The following NFYC variants were observed in gnomAD, a reference collection of about 807,000 sequenced individuals.
The protein encoded by NFYC is nuclear transcription factor Y subunit gamma.
A neutral mutation model predicts 53.1 loss-of-function variants in NFYC; 25 were observed. The ratio of observed to expected loss-of-function variants is 0.47; its 90% CI spans 0.34 to 0.66. NFYC has a LOEUF of 0.66. NFYC is among the 30% of genes least tolerant of loss of function. The pLI, the probability that NFYC is intolerant of heterozygous loss-of-function variation, is 0.01. For synonymous variants in NFYC, 145 were observed against 152.6 expected, an observed-to-expected ratio of 0.95 and a Z score of 0.37; for missense variants, 260 against 422.7, an observed-to-expected ratio of 0.62 and a Z score of 3.38.
intron 1 of NFYC, among the ~76,000 whole-genome samples, chr1:40,703,281 G>A (rs1643530724): frequency 6.6e-6 from 1 of 151,796 alleles, no homozygotes; most frequent in Non-Finnish European, 1.5e-5. Flanking sequence ...CTTGAGCCCA[G>A]GAGTTTGAAA....
intron 1 of NFYC, among the ~76,000 whole-genome samples, chr1:40,716,490 G>C (rs1644141179): frequency 6.6e-6 from 1 of 152,168 alleles, no homozygotes; most frequent in Non-Finnish European, 1.5e-5. Context: ...GAAGTAGATT[G>C]GGTCAGATGT....
chr1:40,739,854 C>G (rs994936570), intron 2 of NFYC, among the ~76,000 whole-genome samples: 2 of 152,018 alleles, frequency 1.3e-5, no homozygotes, highest in East Asian at 3.8e-4. Flanking sequence ...AAGCATTCAC[C>G]AGATGTGAAG....
At chr1:40,724,777 A>G (rs757116031) in intron 1 of NFYC, among the ~76,000 whole-genome samples, 8 of 151,992 alleles carry the variant, frequency 5.3e-5, no homozygotes, top group Admixed American at 3.3e-4. Context: ...CAAAGATTAT[A>G]TTGTACTAGA....
Position 40,763,036 on chromosome 1 carries a change from A to G in NFYC, c.710A>G (p.Gln237Arg). ...QQIITNTGEI[Q>R]QIPVQLNAGQ... ...ATCATCACTAACACAGGAGAGATCCAGCAGATCCCGGTGAGTCCTGCCCTG... is the reference window on the plus strand; with the variant it reads ...ATCATCACTAACACAGGAGAGATCCGGCAGATCCCGGTGAGTCCTGCCCTG... Residue 237 changes from glutamine (Q) to arginine (R), a missense_variant, in exon 7 of 10, where the codon CAG becomes CGG. Coordinates refer to ENST00000447388, the MANE Select transcript of NFYC (RefSeq NM_014223.5). The G allele has an allele frequency of 6.3e-7, 1 of 1,599,456 alleles. No individual in the cohort carries two copies. Among genetic ancestry groups the G allele is most frequent in the South Asian group, 1.1e-5 (1 of 89,410 alleles).
intron 1 of NFYC, among the ~76,000 whole-genome samples, chr1:40,726,781 A>C (rs1644538248): frequency 6.6e-6 from 1 of 152,222 alleles, no homozygotes; most frequent in South Asian, 2.1e-4. Flanking sequence ...CTTTCATGAA[A>C]GATTTCTCTG....
chr1:40,717,331 A>G (rs1329804872), intron 1 of NFYC, among the ~76,000 whole-genome samples: 1 of 152,172 alleles, frequency 6.6e-6, no homozygotes, highest in Non-Finnish European at 1.5e-5. Flanking sequence ...TGCATTTCCC[A>G]TGTAAGAATT....
chr1:40,743,897 C>T (rs1467331721), intron 2 of NFYC, among the ~76,000 whole-genome samples: 5 of 152,184 alleles, frequency 3.3e-5, no homozygotes, highest in Non-Finnish European at 7.4e-5. Flanking sequence ...GGTCCAAGGA[C>T]CTTACTTTGA....
chr1:40,702,341 C>CT lies in NFYC; in HGVS notation c.-9+10492dup, dbSNP rs11307589. 1.2e-3 allele frequency among the ~76,000 whole-genome samples: 143 copies of CT among 118,886 alleles called. 1 individual carries two copies. Among genetic ancestry groups the CT allele is most frequent in the East Asian group, 0.012 (50 of 4,274 alleles). The allele number at this position is 118,886 out of a possible 152,430, so 78.0% of individuals were successfully genotyped here. On this transcript the variant is annotated intron_variant, in intron 1 of 9. Transcript: ENST00000447388. ...CCTTTTTTGGGGATTATCTTCAGAA[C>CT]TTTTTTTTTTTTTTTTTTCGAGAGG...
At chr1:40,753,991 C>T (rs938302553) in intron 5 of NFYC, among the ~76,000 whole-genome samples, 17 of 152,204 alleles carry the variant, frequency 1.1e-4, no homozygotes, top group Middle Eastern at 3.4e-3. Flanking sequence ...TTGTAATAGA[C>T]CTCTGTCCTT....
intron 6 of NFYC, among the ~76,000 whole-genome samples, chr1:40,759,382 G>C (rs1422473095): frequency 1.3e-5 from 2 of 151,914 alleles, no homozygotes; most frequent in South Asian, 2.1e-4. Context: ...CAGAACATCA[G>C]AACATTAGCC....
chr1:40,704,273 G>A (rs1318180742), intron 1 of NFYC, among the ~76,000 whole-genome samples: 2 of 152,070 alleles, frequency 1.3e-5, no homozygotes, highest in African/African-American at 2.4e-5. Flanking sequence ...GGGTTTCACC[G>A]TGTTAGCCAG....
intron 2 of NFYC, among the ~76,000 whole-genome samples, chr1:40,740,855 G>A (rs1645300312): frequency 6.6e-6 from 1 of 152,008 alleles, no homozygotes; most frequent in Non-Finnish European, 1.5e-5. Flanking sequence ...TCCAGGATCA[G>A]GCAAGTGGCC....
chr1:40,758,467 A>C (rs1004442144), intron 6 of NFYC, 173 bp downstream of exon 6: 20 of 690,766 alleles, frequency 2.9e-5, no homozygotes, highest in Middle Eastern at 4.1e-4. Flanking sequence ...ATGTTACCCT[A>C]ATCTCTCTGG....
chr1:40,706,104 A>G (rs991510349), intron 1 of NFYC, among the ~76,000 whole-genome samples: 1 of 151,914 alleles, frequency 6.6e-6, no homozygotes, highest in Non-Finnish European at 1.5e-5. Context: ...ATCTACACAT[A>G]TATATGGCAC....
rs967130567 is a variant in NFYC at position 40,726,125 on chromosome 1, G to GTT, written c.-8-12703_-8-12702dup. Among the ~76,000 whole-genome samples, 555 of 126,474 alleles carry GTT rather than the reference G, an allele frequency of 4.4e-3. 3 individuals are homozygous for GTT. Among genetic ancestry groups the GTT allele is most frequent in the African/African-American group, 0.014 (521 of 37,344 alleles). The allele number at this position is 126,474 out of a possible 152,430, so 83.0% of individuals were successfully genotyped here. A position where few individuals can be genotyped will look rare whatever the true frequency, so the allele number is the denominator to read the frequency against. On this transcript the variant is annotated intron_variant, in intron 1 of 9. Coordinates refer to ENST00000447388, the MANE Select transcript of NFYC (RefSeq NM_014223.5). ...TATGTGTTTGTGTGTGTGTGTGTGT[G>GTT]TTTTTTTTTGAGATGGAGTTTCGCT...
chr1:40,714,957 G>A (rs2148467502), intron 1 of NFYC, among the ~76,000 whole-genome samples: 1 of 152,160 alleles, frequency 6.6e-6, no homozygotes, highest in African/African-American at 2.4e-5. Context: ...GCGGGCGCCT[G>A]TAGTCCCAGC....
chr1:40,693,882 T>C (rs924883558), intron 1 of NFYC, among the ~76,000 whole-genome samples: 5 of 152,260 alleles, frequency 3.3e-5, no homozygotes, highest in Non-Finnish European at 5.9e-5. Context: ...CTTGTGCTGC[T>C]TAAGGATTCA....
At chr1:40,720,236 C>T (rs1644280442) in intron 1 of NFYC, among the ~76,000 whole-genome samples, 1 of 152,176 alleles carries the variant, frequency 6.6e-6, no homozygotes, top group Non-Finnish European at 1.5e-5. Flanking sequence ...AGAATCTAGA[C>T]AGCAGAATCA....
intron 1 of NFYC, among the ~76,000 whole-genome samples, chr1:40,720,525 A>G (rs1233546503): frequency 1.3e-5 from 2 of 151,944 alleles, no homozygotes; most frequent in Non-Finnish European, 2.9e-5. Flanking sequence ...GAATTTTCCC[A>G]TTTCAAAGAA....
Sources: allele counts gnomAD v4.1 joint callset (sites outside exome capture counted in the v4.1 genomes callset), GRCh38; gene constraint gnomAD v4.1.1; transcripts MANE v1.5; gene names NCBI Gene and HGNC (gene_info 2026-07-23, HGNC 2026-07-21).